Variants in PTPRN2 observed in about 807,000 individuals in gnomAD.
PTPRN2 encodes protein tyrosine phosphatase receptor type N2.
A neutral mutation model predicts 118.8 loss-of-function variants in PTPRN2; 74 were observed. That is an observed-to-expected ratio of 0.62 (90% CI 0.52 to 0.76). The LOEUF (loss-of-function observed/expected upper bound fraction) is 0.76. PTPRN2 is among the 30% of genes least tolerant of loss of function. PTPRN2 has a pLI of 0.00. For synonymous variants in PTPRN2, 641 were observed against 608.0 expected (o/e 1.05, Z -0.80); for missense variants, 1,481 against 1,394.4 (o/e 1.06, Z -0.99).
In PTPRN2 at chr7:157,874,534, G is replaced by A. The variant is rs929377941; in HGVS notation, c.1788+24139C>T. Among the ~76,000 whole-genome samples, 2 of 152,212 alleles carry A rather than the reference G, an allele frequency of 1.3e-5. No homozygotes were observed. Among genetic ancestry groups the A allele is most frequent in the African/African-American group, 4.8e-5 (2 of 41,452 alleles). On this transcript the variant is annotated intron_variant, in intron 12 of 22. Transcript: ENST00000389418. This position sits in a 1 kb window ranked among gnomAD's most constrained non-coding sequence, Gnocchi z 5.8. ...CCCCTTAACTCGAGCTTTTATTTCA[G>A]TGAAGCTTCGGGGTCACCTGCACGG...
intron 12 of PTPRN2, among the ~76,000 whole-genome samples, chr7:157,782,901 C>G (rs1410214024): frequency 6.6e-6 from 1 of 152,216 alleles, no homozygotes; most frequent in Non-Finnish European, 1.5e-5. Context: ...TGCTGGCTGG[C>G]TAACATGGTC....
At chr7:158,266,904 T>C (rs895757465) in intron 3 of PTPRN2, among the ~76,000 whole-genome samples, 14 of 152,316 alleles carry the variant, frequency 9.2e-5, no homozygotes, top group African/African-American at 3.1e-4. Flanking sequence ...GATGCCGCTG[T>C]GGGGCCGGCC....
At chr7:157,969,377 T>G (rs1260492354) in intron 11 of PTPRN2, among the ~76,000 whole-genome samples, 1 of 152,226 alleles carries the variant, frequency 6.6e-6, no homozygotes, top group Non-Finnish European at 1.5e-5. Context: ...CCCAATGTGC[T>G]GGGATTACAG....
chr7:157,737,191 C>T (rs575584654), intron 12 of PTPRN2, among the ~76,000 whole-genome samples: 108 of 152,370 alleles, frequency 7.1e-4, no homozygotes, highest in African/African-American at 2.6e-3. Flanking sequence ...CGTTGCTCCC[C>T]GATTTTATCT....
At chr7:158,220,348 G>A (rs1487145649) in intron 3 of PTPRN2, among the ~76,000 whole-genome samples, 1 of 151,876 alleles carries the variant, frequency 6.6e-6, no homozygotes, top group Non-Finnish European at 1.5e-5. Context: ...AGAAATAAAA[G>A]GTATCCAAAT....
chr7:157,854,352 G>C (rs147615032), intron 12 of PTPRN2, among the ~76,000 whole-genome samples: 1 of 152,222 alleles, frequency 6.6e-6, no homozygotes, highest in Non-Finnish European at 1.5e-5. Context: ...GTCTGCCCAC[G>C]TCTCTCCAGC....
At chr7:157,997,311 C>A (rs574299897) in intron 11 of PTPRN2, among the ~76,000 whole-genome samples, 71 of 152,388 alleles carry the variant, frequency 4.7e-4, no homozygotes, top group Admixed American at 1.8e-3. Context: ...TCATTCAGCT[C>A]CAAGGATGGG....
At chr7:157,551,916 C>A (rs1438912204) in intron 21 of PTPRN2, among the ~76,000 whole-genome samples, 1 of 143,896 alleles carries the variant, frequency 6.9e-6, no homozygotes, top group African/African-American at 2.6e-5. Flanking sequence ...CCAGCATGCA[C>A]CCCATGGGCA....
intron 15 of PTPRN2, among the ~76,000 whole-genome samples, chr7:157,614,965 A>T (rs1261829916): frequency 6.6e-6 from 1 of 152,146 alleles, no homozygotes; most frequent in East Asian, 1.9e-4. Context: ...GAGGGCACTG[A>T]GGGATTGTTG....
At chr7:158,132,343 A>G (rs1384065017) in intron 9 of PTPRN2, among the ~76,000 whole-genome samples, 1 of 151,066 alleles carries the variant, frequency 6.6e-6, no homozygotes, top group African/African-American at 2.4e-5. Context: ...AATAAGCACA[A>G]ACCAATACAC....
At chr7:158,299,023 A>G (rs1287491079) in intron 3 of PTPRN2, among the ~76,000 whole-genome samples, 1 of 152,174 alleles carries the variant, frequency 6.6e-6, no homozygotes, top group Non-Finnish European at 1.5e-5. Flanking sequence ...CCCGTTTTCA[A>G]ATCCAGCAGG....
rs557332690 is a variant in PTPRN2, at chr7:157,671,819, G to C, written c.2001+10906C>G. Among the ~76,000 whole-genome samples the C allele has an allele frequency of 6.6e-6, 1 of 152,262 alleles. No individual in the cohort carries two copies. The highest frequency in any genetic ancestry group is 2.1e-4 in the South Asian group (1 of 4,820). Reference sequence around the variant, plus strand: ...CGCCCTGAAGAGCTTCTTCCTACCAGACCCCCGAAGGCCAGGGTCTGGGGG... The same window carrying C: ...CGCCCTGAAGAGCTTCTTCCTACCACACCCCCGAAGGCCAGGGTCTGGGGG... On this transcript the variant is annotated intron_variant, in intron 13 of 22. Coordinates refer to ENST00000389418, the MANE Select transcript of PTPRN2 (RefSeq NM_002847.5). This position sits in a 1 kb window ranked among gnomAD's most constrained non-coding sequence, Gnocchi z 4.1.
chr7:157,616,464 C>A (rs1802781238), intron 15 of PTPRN2: 1 of 152,184 alleles, frequency 6.6e-6, no homozygotes, highest in Non-Finnish European at 1.5e-5. Flanking sequence ...CAGTCTCTGG[C>A]AGAACAGCTG....
At position 158,096,669 on chromosome 7, in the gene PTPRN2, T is replaced by C. The variant is rs74851587; in HGVS notation, c.1643+14160A>G. Among the ~76,000 whole-genome samples the C allele has an allele frequency of 3.8e-3, 575 of 152,340 alleles. 5 individuals carry two copies. Among genetic ancestry groups the C allele is most frequent in the African/African-American group, 0.013 (561 of 41,586 alleles). ...TGCACCTTTGCAACTGCTTGTAATA[T>C]TCAGACAGGGCACTGAAGACGAAGC... On this transcript the variant is annotated intron_variant, in intron 10 of 22. Transcript: ENST00000389418.
intron 12 of PTPRN2, among the ~76,000 whole-genome samples, chr7:157,782,860 G>T (rs7777439): frequency 0.012 from 1,821 of 152,336 alleles, 41 homozygotes; most frequent in African/African-American, 0.042. Context: ...TGTGCTGGCT[G>T]CTTGACTCGG....
chr7:157,613,264 C>T (rs1585110192), intron 15 of PTPRN2, among the ~76,000 whole-genome samples: 1 of 152,270 alleles, frequency 6.6e-6, no homozygotes, highest in African/African-American at 2.4e-5. Context: ...TCCGCTTGTC[C>T]TTCGTTTCCG....
At chr7:158,467,891 T>C (rs901519569) in intron 2 of PTPRN2, among the ~76,000 whole-genome samples, 1 of 152,214 alleles carries the variant, frequency 6.6e-6, no homozygotes, top group Non-Finnish European at 1.5e-5. Context: ...CTGTTGCTGT[T>C]GCGTTTGTTA....
intron 11 of PTPRN2, among the ~76,000 whole-genome samples, chr7:157,957,852 CA>C (rs1354624435): frequency 2.0e-5 from 3 of 152,154 alleles, no homozygotes; most frequent in Non-Finnish European, 4.4e-5. Context: ...CAAACTTTTC[CA>C]AAATATTGAA....
At chr7:158,461,237 T>C (rs1226405276) in intron 2 of PTPRN2, among the ~76,000 whole-genome samples, 1 of 152,230 alleles carries the variant, frequency 6.6e-6, no homozygotes, top group Non-Finnish European at 1.5e-5. Flanking sequence ...GGCTCATGCC[T>C]GTAATCCCAG....
Sources: gnomAD v4.1 joint callset for allele counts (sites outside exome capture counted in the v4.1 genomes callset) on GRCh38, gnomAD v4.1.1 for gene constraint, Gnocchi (gnomAD v3.1) non-coding constraint, MANE v1.5 for transcripts, NCBI Gene and HGNC (gene_info 2026-07-23, HGNC 2026-07-21) for gene names.